SLC24A2: variants seen among roughly 807,000 people sequenced by gnomAD.
SLC24A2 encodes the protein sodium/potassium/calcium exchanger 2.
A neutral mutation model predicts 62.0 loss-of-function variants in SLC24A2; 36 were observed. That is an observed-to-expected ratio of 0.58 (90% CI 0.44 to 0.77). The LOEUF (loss-of-function observed/expected upper bound fraction) is 0.77, where lower values mean the gene tolerates loss of function less well. SLC24A2 is among the 30% of genes least tolerant of loss of function. The pLI, the probability that SLC24A2 is intolerant of heterozygous loss-of-function variation, is 0.00. For missense variants in SLC24A2, 846 were observed against 817.9 expected, an observed-to-expected ratio of 1.03 and a Z score of -0.42; for synonymous variants, 358 against 294.0, an observed-to-expected ratio of 1.22 and a Z score of -2.23.
At chr9:19,979,856 T>C in the SLC24A2 span, among the ~76,000 whole-genome samples, 1 of 152,230 alleles carries the variant, frequency 6.6e-6, no homozygotes, top group Non-Finnish European at 1.5e-5. Flanking sequence ...TTAACCTCCA[T>C]GAGCTCCAGT....
At chr9:19,686,607 G>A (rs1401142628) in intron 2 of SLC24A2, among the ~76,000 whole-genome samples, 1 of 152,088 alleles carries the variant, frequency 6.6e-6, no homozygotes, top group Non-Finnish European at 1.5e-5. Context: ...GTTCTCACAA[G>A]ATCTAATGGT....
At chr9:20,135,309 T>G in the SLC24A2 span, among the ~76,000 whole-genome samples, 2 of 150,744 alleles carry the variant, frequency 1.3e-5, no homozygotes, top group African/African-American at 4.9e-5. Flanking sequence ...AATTTAAAAT[T>G]TTAATTTTTA....
At chr9:20,220,549 C>T in the SLC24A2 span, among the ~76,000 whole-genome samples, 2 of 152,122 alleles carry the variant, frequency 1.3e-5, no homozygotes, top group Non-Finnish European at 2.9e-5. Context: ...ATTTGTTACA[C>T]AACACATGTC....
chr9:19,705,472 A>G, intron 2 of SLC24A2: 1 of 203,098 alleles, frequency 4.9e-6, no homozygotes, highest in Non-Finnish European at 1.1e-5. Context: ...CATCCAGTGC[A>G]TGTACCAACA....
At chr9:20,027,788 T>C in the SLC24A2 span, among the ~76,000 whole-genome samples, 1 of 152,192 alleles carries the variant, frequency 6.6e-6, no homozygotes, top group Non-Finnish European at 1.5e-5. Context: ...GAAAATATGC[T>C]CTCACCACAG....
the SLC24A2 span, chr9:19,926,179 G>A: frequency 1.3e-5 from 2 of 152,336 alleles, no homozygotes; most frequent in South Asian, 2.1e-4. Context: ...ACTAGATGGC[G>A]GGAGAGGACT....
At chr9:19,836,128 A>G in the SLC24A2 span, among the ~76,000 whole-genome samples, 4 of 152,206 alleles carry the variant, frequency 2.6e-5, no homozygotes, top group Non-Finnish European at 5.9e-5. Context: ...AAAGCAGGAA[A>G]GATCTAAAAT....
At chr9:20,298,507 G>T in the SLC24A2 span, among the ~76,000 whole-genome samples, 1 of 152,220 alleles carries the variant, frequency 6.6e-6, no homozygotes, top group African/African-American at 2.4e-5. Context: ...GGGATTACAG[G>T]CGTGAGCCAC....
intron 5 of SLC24A2, among the ~76,000 whole-genome samples, chr9:19,583,985 C>T (rs757646592): frequency 3.3e-5 from 5 of 152,280 alleles, no homozygotes; most frequent in Middle Eastern, 3.4e-3. Flanking sequence ...CCCCTCTTTT[C>T]GAAGTGGAAA....
chr9:19,636,315 T>TTTCCTTTCTTTC (rs1554690361), intron 2 of SLC24A2, among the ~76,000 whole-genome samples: 4 of 40,328 alleles, frequency 9.9e-5, no homozygotes, highest in African/African-American at 3.5e-4. Context: ...TTTTCTTTTC[T>TTTCCTTTCTTTC]TTTCTTTCTT....
chr9:20,192,042 T>C, the SLC24A2 span, among the ~76,000 whole-genome samples: 9 of 152,116 alleles, frequency 5.9e-5, no homozygotes, highest in African/African-American at 2.2e-4. Context: ...TCAGTTGCAA[T>C]AGGCATGTGG....
intron 2 of SLC24A2, among the ~76,000 whole-genome samples, chr9:19,676,054 C>T (rs1211637124): frequency 6.6e-6 from 1 of 152,200 alleles, no homozygotes; most frequent in Non-Finnish European, 1.5e-5. Context: ...CTTCCCACTG[C>T]TACTTCTACC....
intron 2 of SLC24A2, among the ~76,000 whole-genome samples, chr9:19,713,580 T>C (rs1820776414): frequency 6.6e-6 from 1 of 151,384 alleles, no homozygotes; most frequent in Middle Eastern, 3.2e-3. Context: ...GATGTCTATT[T>C]GCCTTTGAGC....
At chr9:19,975,561 T>C in the SLC24A2 span, among the ~76,000 whole-genome samples, 1 of 152,210 alleles carries the variant, frequency 6.6e-6, no homozygotes, top group Admixed American at 6.5e-5. Context: ...AAGACAAAAA[T>C]ATTCAACTTA....
At position 19,639,989 on chromosome 9, in the gene SLC24A2, A is replaced by G. The variant is rs946916030; in HGVS notation, c.931-17690T>C. Among the ~76,000 whole-genome samples the G allele has an allele frequency of 2.0e-5, 3 of 152,362 alleles. No homozygotes were observed. The East Asian group carries it at 5.8e-4, about 29-fold the overall frequency. ...CTCTTAAAAATATGTTTGTGAATGG[A>G]TTTCTAAGATCCTTCATGCTTCAGC... On this transcript the variant is annotated intron_variant, in intron 2 of 10. Transcript: ENST00000341998.
chr9:19,995,964 G>A, the SLC24A2 span, among the ~76,000 whole-genome samples: 2 of 152,202 alleles, frequency 1.3e-5, no homozygotes, highest in African/African-American at 4.8e-5. Flanking sequence ...GATTCTTTGG[G>A]TAAAGTAAAG....
chr9:19,941,590 TGAGA>T, the SLC24A2 span, among the ~76,000 whole-genome samples: 160 of 127,976 alleles, frequency 1.3e-3, 1 homozygote, highest in African/African-American at 4.4e-3. Context: ...TGTGTGTGTG[TGAGA>T]GAGAGAGAGA....
the SLC24A2 span, among the ~76,000 whole-genome samples, chr9:20,292,866 A>C: frequency 6.6e-6 from 1 of 152,252 alleles, no homozygotes. Context: ...CAAAGGGATT[A>C]TAGGCATAGG....
the SLC24A2 span, among the ~76,000 whole-genome samples, chr9:19,925,903 A>AG: frequency 6.6e-6 from 1 of 152,188 alleles, no homozygotes; most frequent in South Asian, 2.1e-4. Flanking sequence ...AGAAATTGCT[A>AG]GGGGCTGGGG....
Sources: gnomAD v4.1 joint callset for allele counts (sites outside exome capture counted in the v4.1 genomes callset) on GRCh38, gnomAD v4.1.1 for gene constraint, MANE v1.5 for transcripts, NCBI Gene and HGNC (gene_info 2026-07-23, HGNC 2026-07-21) for gene names.